The following ANAPC4 variants were observed in gnomAD, a reference collection of about 807,000 sequenced individuals.
ANAPC4 encodes anaphase-promoting complex subunit 4.
Under a neutral mutation model 119.8 loss-of-function variants are expected in ANAPC4, and 63 were observed. The observed-to-expected ratio is 0.53, with a 90% confidence interval of 0.43 to 0.65. ANAPC4 has a LOEUF of 0.65. ANAPC4 is among the 30% of genes least tolerant of loss of function. ANAPC4 has a pLI of 0.00. For missense variants in ANAPC4, 716 were observed against 945.1 expected, an observed-to-expected ratio of 0.76 and a Z score of 3.18; for synonymous variants, 283 against 318.6, an observed-to-expected ratio of 0.89 and a Z score of 1.19.
At chr4:25,389,982 TTGAG>T (rs369023253) in intron 7 of ANAPC4, among the ~76,000 whole-genome samples, 150 bp from the exon 8 acceptor site, 4 of 152,360 alleles carry the variant, frequency 2.6e-5, no homozygotes, top group Non-Finnish European at 5.9e-5. Context: ...TGACTGAATA[TTGAG>T]TGTTAGTGGA....
At chr4:25,382,966 T>G (rs1008212605) in intron 3 of ANAPC4, among the ~76,000 whole-genome samples, 1 of 152,228 alleles carries the variant, frequency 6.6e-6, no homozygotes, top group African/African-American at 2.4e-5. Context: ...ATTTTCTGCT[T>G]GACAACAGGG....
At chr4:25,395,111 C>A (rs531647131) in intron 14 of ANAPC4, 6 of 504,918 alleles carry the variant, frequency 1.2e-5, no homozygotes, top group Non-Finnish European at 2.1e-5. Flanking sequence ...TTTCCAACAT[C>A]TTTTCACCAG....
At chr4:25,400,484 A>C (rs9993776) in intron 16 of ANAPC4, among the ~76,000 whole-genome samples, 61,559 of 151,660 alleles carry the variant, frequency 0.41, 14,498 homozygotes, top group Non-Finnish European at 0.52. Flanking sequence ...AAGGATGGGG[A>C]GGCGGTGTTG....
intron 28 of ANAPC4, 63 bp downstream of exon 28, chr4:25,417,802 A>G: frequency 6.5e-7 from 1 of 1,545,758 alleles, no homozygotes; most frequent in Non-Finnish European, 8.7e-7. Flanking sequence ...CTTCTTTGGA[A>G]CCTTCATCAA....
chr4:25,397,593 T>C (rs1306898201), intron 16 of ANAPC4, among the ~76,000 whole-genome samples: 4 of 152,202 alleles, frequency 2.6e-5, no homozygotes, highest in African/African-American at 9.7e-5. Flanking sequence ...GTGTTTTTTC[T>C]CCTACCCTCA....
At chr4:25,408,537 A>T (rs6836283) in intron 20 of ANAPC4, among the ~76,000 whole-genome samples, 2,550 of 57,046 alleles carry the variant, frequency 0.045, 83 homozygotes, top group African/African-American at 0.086. Flanking sequence ...AAAAAAAAAA[A>T]TTTTTTTTTT....
rs1723203780 is a variant in ANAPC4 at position 25,405,568 on chromosome 4, TC to T, written c.1271-3del. On this transcript the variant is annotated splice_region_variant and splice_polypyrimidine_tract_variant and intron_variant, in intron 17 of 28. Transcript: ENST00000315368. This position sits in a 1 kb window ranked among gnomAD's most constrained non-coding sequence, Gnocchi z 4.6. Reference sequence around the variant, plus strand: ...AAAGATAGTTTTTTAACTTTGTATTTCCAGCAATGTTGAGAATGACAGAAGA... The same window carrying T: ...AAAGATAGTTTTTTAACTTTGTATTTCAGCAATGTTGAGAATGACAGAAGA... 6.2e-7 allele frequency: 1 copy of T among 1,612,934 alleles called. No homozygotes were observed. Among genetic ancestry groups the T allele is most frequent in the Admixed American group, 1.7e-5 (1 of 59,956 alleles).
Position 25,405,660 on chromosome 4 carries a change from CT to C in ANAPC4, c.1317+42del. ...GCATTTTCACAGTGTTCACATTGTC[CT>C]GCTTGAACTCAGCTGTGCTGGTCAT... On this transcript the variant is annotated intron_variant, in intron 18 of 28. Coordinates refer to ENST00000315368, the MANE Select transcript of ANAPC4 (RefSeq NM_013367.3). This position sits in a 1 kb window ranked among gnomAD's most constrained non-coding sequence, Gnocchi z 4.6. 6.3e-7 allele frequency: 1 copy of C among 1,590,094 alleles called. No homozygotes were observed. The highest frequency in any genetic ancestry group is 2.2e-5 in the East Asian group (1 of 44,678).
chr4:25,379,453 T>C (rs1361446456), intron 2 of ANAPC4, among the ~76,000 whole-genome samples: 1 of 151,856 alleles, frequency 6.6e-6, no homozygotes, highest in Non-Finnish European at 1.5e-5. Context: ...AGAGAAGAAA[T>C]GGCATCAAGC....
At chr4:25,379,990 G>A (rs1244063296) in intron 2 of ANAPC4, among the ~76,000 whole-genome samples, 1 of 152,230 alleles carries the variant, frequency 6.6e-6, no homozygotes, top group Non-Finnish European at 1.5e-5. Context: ...TGGCTAGTGA[G>A]TGACACAGCT....
chr4:25,384,733 G>A (rs752844701), intron 4 of ANAPC4, among the ~76,000 whole-genome samples: 2 of 151,574 alleles, frequency 1.3e-5, no homozygotes, highest in Non-Finnish European at 2.9e-5. Context: ...CCCTAAGGAG[G>A]TTGAGGCCGC....
At chr4:25,416,387 G>A (rs1392596265) in intron 26 of ANAPC4, 38 bp from the exon 27 acceptor site, 4 of 1,356,338 alleles carry the variant, frequency 2.9e-6, no homozygotes, top group Non-Finnish European at 2.9e-6. Context: ...CAGTAGTCAC[G>A]ATCATCTTTG....
At chr4:25,382,318 AG>A (rs1721779949) in intron 3 of ANAPC4, among the ~76,000 whole-genome samples, 1 of 152,248 alleles carries the variant, frequency 6.6e-6, no homozygotes, top group Admixed American at 6.5e-5. Flanking sequence ...GAACTTTGCC[AG>A]TAGCTCCTTA....
At position 25,388,579 on chromosome 4, in the gene ANAPC4, G is replaced by T; in HGVS notation, c.443+5G>T. On this transcript the variant is annotated splice_donor_5th_base_variant and intron_variant, in intron 5 of 28. Coordinates refer to ENST00000315368, the MANE Select transcript of ANAPC4 (RefSeq NM_013367.3). Reference sequence around the variant, plus strand: ...ACTACCTACACTGCCAAAAAAGTATGTATCACTGGTTTCTTTGAAATTAAT... The same window carrying T: ...ACTACCTACACTGCCAAAAAAGTATTTATCACTGGTTTCTTTGAAATTAAT... The T allele has an allele frequency of 3.8e-6, 6 of 1,593,088 alleles. No homozygotes were observed. The highest frequency in any genetic ancestry group is 5.2e-6 in the Non-Finnish European group (6 of 1,162,548).
intron 17 of ANAPC4, 117 bp downstream of exon 17, chr4:25,403,143 A>G: frequency 3.8e-6 from 3 of 783,188 alleles, no homozygotes; most frequent in Non-Finnish European, 5.9e-6. Context: ...AGAACTATAT[A>G]ATGATCCCTG....
intron 4 of ANAPC4, 50 bp from the exon 5 acceptor site, chr4:25,388,450 G>C (rs762192761): frequency 8.0e-7 from 1 of 1,252,624 alleles, no homozygotes; most frequent in African/African-American, 1.5e-5. Context: ...AATGGCAAGA[G>C]AAGTAAAATC....
At chr4:25,394,974 G>T (rs1396381413) in intron 14 of ANAPC4, 69 bp downstream of exon 14, 20 of 1,195,110 alleles carry the variant, frequency 1.7e-5, no homozygotes, top group South Asian at 7.0e-5. Flanking sequence ...TCTTTCCGCC[G>T]CCTTTTCTTC....
At chr4:25,391,350 G>A (rs528756481) in intron 9 of ANAPC4, among the ~76,000 whole-genome samples, 1 of 152,284 alleles carries the variant, frequency 6.6e-6, no homozygotes, top group Admixed American at 6.5e-5. Context: ...TGTTTAATAT[G>A]TGCCATATGC....
chr4:25,411,526 A>G (rs1370090830), intron 21 of ANAPC4, among the ~76,000 whole-genome samples: 2 of 152,178 alleles, frequency 1.3e-5, no homozygotes, highest in Non-Finnish European at 2.9e-5. Flanking sequence ...TACTTTCTTT[A>G]GGGTACATGG....
Sources: gnomAD v4.1 joint callset for allele counts (sites outside exome capture counted in the v4.1 genomes callset) on GRCh38, gnomAD v4.1.1 for gene constraint, Gnocchi (gnomAD v3.1) non-coding constraint, MANE v1.5 for transcripts, NCBI Gene and HGNC (gene_info 2026-07-23, HGNC 2026-07-21) for gene names.